Variants in DNTTIP2 observed in about 807,000 individuals in gnomAD.
DNTTIP2 encodes deoxynucleotidyltransferase terminal interacting protein 2.
DNTTIP2 carries 47 observed loss-of-function variants against 62.4 expected under a neutral mutation model. The observed-to-expected ratio is 0.75, with a 90% CI of 0.60 to 0.96. The LOEUF (loss-of-function observed/expected upper bound fraction) is 0.96. Ranked by LOEUF, DNTTIP2 falls within the 40% of genes least tolerant of loss-of-function variation. DNTTIP2 has a pLI of 0.00. For synonymous variants in DNTTIP2, 322 were observed against 300.9 expected, an observed-to-expected ratio of 1.07 and a Z score of -0.73; for missense variants, 870 against 849.1, an observed-to-expected ratio of 1.02 and a Z score of -0.31.
At chr1:93,874,502 G>A (rs1023264176) in intron 3 of DNTTIP2, among the ~76,000 whole-genome samples, 1 of 152,314 alleles carries the variant, frequency 6.6e-6, no homozygotes, top group Admixed American at 6.5e-5. Context: ...CAAGGGCAAC[G>A]ATCAATTATT....
intron 3 of DNTTIP2, among the ~76,000 whole-genome samples, chr1:93,875,291 G>A (rs1165511671): frequency 2.0e-5 from 3 of 151,968 alleles, no homozygotes; most frequent in Admixed American, 6.6e-5. Flanking sequence ...ATTTTTTTCC[G>A]GGTGGAAGAG....
chr1:93,878,063 C>A (rs1656061552), intron 1 of DNTTIP2, among the ~76,000 whole-genome samples: 1 of 152,054 alleles, frequency 6.6e-6, no homozygotes, highest in Admixed American at 6.5e-5. Flanking sequence ...TCCCAGCACT[C>A]TGGGAGGCCG....
chr1:93,874,599 G>C (rs1655951340), intron 3 of DNTTIP2, among the ~76,000 whole-genome samples: 1 of 152,140 alleles, frequency 6.6e-6, no homozygotes, highest in South Asian at 2.1e-4. Flanking sequence ...CAGCTGGGTG[G>C]GGTAGAGAGG....
Position 93,879,156 on chromosome 1 carries a change from G to C in DNTTIP2, c.-8C>G. On this transcript the variant is annotated 5_prime_UTR_variant, in exon 1 of 7. Coordinates refer to ENST00000436063, the MANE Select transcript of DNTTIP2 (RefSeq NM_014597.5). ...AGATCTGGTAACCACCATCTTTCCG[G>C]CTCCCTCGCGACCACCACGACTTCC... 4 of 1,611,594 alleles carry C rather than the reference G, an allele frequency of 2.5e-6. No homozygotes were observed. Among genetic ancestry groups the C allele is most frequent in the African/African-American group, 1.3e-5 (1 of 74,952 alleles).
chr1:93,869,588 CA>C lies in DNTTIP2; in HGVS notation c.*262del, dbSNP rs1655804859. 9.1e-6 allele frequency: 3 copies of C among 329,520 alleles called. No individual in the cohort carries two copies. In the East Asian group the frequency reaches 1.6e-4, roughly 17 times the overall value. 20.4% of individuals were successfully genotyped at this position (329,520 alleles called of 1,614,324 possible). A position where few individuals can be genotyped will look rare whatever the true frequency, so the allele number is the denominator to read the frequency against. On this transcript the variant is annotated 3_prime_UTR_variant, in exon 7 of 7. Coordinates refer to ENST00000436063, the MANE Select transcript of DNTTIP2 (RefSeq NM_014597.5). ...AAATAACTAAGCATTGAAAACTTTA[CA>C]AACCATCAGTTATCTTAAAATGGTT...
chr1:93,876,307 C>A lies in DNTTIP2; in HGVS notation c.1628G>T (p.Ser543Ile), dbSNP rs542667851. 1.7e-5 allele frequency: 26 copies of A among 1,550,498 alleles called. No individual in the cohort carries two copies. The South Asian group carries it at 2.7e-4, about 16-fold the overall frequency. Residue 543 changes from serine to isoleucine, a missense_variant, in exon 2 of 7, where the codon AGT becomes ATT. Physicochemically the swap from Ser to Ile is moderately radical, Grantham distance 142. Coordinates refer to ENST00000436063, the MANE Select transcript of DNTTIP2 (RefSeq NM_014597.5). ...GCTATTTAGGAAGTCTTCTTCATCA[C>A]TAAACTCATCTTCATTTTCGTCATG... ...SDHDENEDEF[S>I]DEEDFLNSTK... is the part of the protein sequence containing the mutation.
At chr1:93,877,950 C>T (rs1656058155) in intron 1 of DNTTIP2, 88 bp from the exon 2 acceptor site, 1 of 1,447,350 alleles carries the variant, frequency 6.9e-7, no homozygotes, top group East Asian at 2.4e-5. Flanking sequence ...AGCTAAAACC[C>T]AGTAAACAAG....
intron 3 of DNTTIP2, among the ~76,000 whole-genome samples, chr1:93,874,549 C>T (rs1655949495): frequency 1.3e-5 from 2 of 152,128 alleles, no homozygotes; most frequent in African/African-American, 4.8e-5. Flanking sequence ...TAAGTTCAGG[C>T]AACTACAGTA....
Position 93,878,796 on chromosome 1 carries a change from G to A in DNTTIP2, c.72+281C>T. 1.0e-5 allele frequency: 4 copies of A among 394,800 alleles called. No individual in the cohort carries two copies. The South Asian group carries it at 1.5e-4, about 15-fold the overall frequency. 24.5% of individuals were successfully genotyped at this position (394,800 alleles called of 1,614,324 possible). A position where few individuals can be genotyped will look rare whatever the true frequency, so the allele number is the denominator to read the frequency against. ...TCCTTGGTACCGTGTTAACAGTAAG[G>A]TTTAAAAGTTCGAACTGTGCTTCTG... On this transcript the variant is annotated intron_variant, in intron 1 of 6. Coordinates refer to ENST00000436063, the MANE Select transcript of DNTTIP2 (RefSeq NM_014597.5).
intron 4 of DNTTIP2, 116 bp from the exon 5 acceptor site, chr1:93,872,352 T>TAAA: frequency 3.0e-6 from 3 of 997,858 alleles, no homozygotes; most frequent in Non-Finnish European, 4.3e-6. Context: ...AATGGTTACT[T>TAAA]TATTGAAAGC....
At position 93,876,610 on chromosome 1, in the gene DNTTIP2, A is replaced by G. The variant is rs1656012889; in HGVS notation, c.1325T>C (p.Leu442Ser). 1.9e-6 allele frequency: 3 copies of G among 1,614,032 alleles called. No homozygotes were observed. The highest frequency in any genetic ancestry group is 2.5e-6 in the Non-Finnish European group (3 of 1,179,892). ...NTSQGKDNSVLLVLSSDESQQ... is the reference protein window; with the variant it reads ...NTSQGKDNSVSLVLSSDESQQ... ...GCTTTCATCACTGCTGAGAACTAGT[A>G]AGACAGAATTATCTTTACCCTGAGA... Residue 442 changes from leucine to serine, a missense_variant, in exon 2 of 7, where the codon TTA (leucine) becomes TCA (serine). By Grantham distance (145) the Leu-to-Ser change is moderately radical (BLOSUM62 -2). Coordinates refer to ENST00000436063, the MANE Select transcript of DNTTIP2 (RefSeq NM_014597.5).
At chr1:93,875,032 A>T (rs757402013) in intron 3 of DNTTIP2, among the ~76,000 whole-genome samples, 3 of 152,224 alleles carry the variant, frequency 2.0e-5, no homozygotes, top group Non-Finnish European at 4.4e-5. Context: ...AAAGAATACA[A>T]GAAGAGGATT....
chr1:93,876,850 G>A lies in DNTTIP2; in HGVS notation c.1085C>T (p.Ser362Leu). The change falls in exon 2 of 7, where the codon TCA (serine) becomes TTA (leucine). Residue 362 changes from serine (S) to leucine (L), a missense_variant. Ser to Leu is a moderately radical substitution (Grantham distance 145). Transcript: ENST00000436063. ...SNLNSEAVMK[S>L]LTQTFATVEV... ...CACAGTTGCAAATGTTTGAGTTAATGATTTCATTACAGCCTCAGAGTTCAG... is the reference window on the plus strand; with the variant it reads ...CACAGTTGCAAATGTTTGAGTTAATAATTTCATTACAGCCTCAGAGTTCAG... 1 of 1,613,912 alleles carries A rather than the reference G, an allele frequency of 6.2e-7. No homozygotes were observed. Among genetic ancestry groups the A allele is most frequent in the Non-Finnish European group, 8.5e-7 (1 of 1,179,866 alleles).
rs777399807 is a variant in DNTTIP2, at chr1:93,877,165, T to G, written c.770A>C (p.Lys257Thr). The G allele has an allele frequency of 6.2e-7, 1 of 1,613,238 alleles. No homozygotes were observed. The highest frequency in any genetic ancestry group is 1.1e-5 in the South Asian group (1 of 91,020). The change falls in exon 2 of 7, where the codon AAG (lysine) becomes ACG (threonine). Residue 257 changes from lysine (K) to threonine (T), a missense_variant. Transcript: ENST00000436063. ...LQARSLSEIN[K>T]PNFYNNDFDD... ...AAAGTCATTATTATAGAAATTTGGC[T>G]TATTTATCTCAGAAAGAGATCTTGC...
chr1:93,871,583 T>C (rs1034208373), intron 5 of DNTTIP2, among the ~76,000 whole-genome samples: 1 of 152,168 alleles, frequency 6.6e-6, no homozygotes, highest in African/African-American at 2.4e-5. Flanking sequence ...TGTTGGGCTA[T>C]ATGATGAAAG....
chr1:93,873,208 G>T lies in DNTTIP2; in HGVS notation c.1813C>A (p.Gln605Lys). The T allele has an allele frequency of 6.2e-7, 1 of 1,607,744 alleles. No individual in the cohort carries two copies. The highest frequency in any genetic ancestry group is 8.5e-7 in the Non-Finnish European group (1 of 1,175,544). ...AAATCAGGTGTAATGACGGCTTTCT[G>T]CAGAAGCTATAAAAACATAAAATTG... is the stretch of plus-strand genomic sequence containing the variant. The part of the protein sequence containing the change: ...IKEKKKNELL[Q>K]KAVITPDFEK... The change falls in exon 4 of 7, where the codon CAG (glutamine) becomes AAG (lysine). Residue 605 changes from glutamine (Q) to lysine (K), a missense_variant. Coordinates refer to ENST00000436063, the MANE Select transcript of DNTTIP2 (RefSeq NM_014597.5).
chr1:93,873,429 A>C, intron 3 of DNTTIP2: 1 of 167,056 alleles, frequency 6.0e-6, no homozygotes, highest in Non-Finnish European at 1.0e-5. Flanking sequence ...CTGACTGTAA[A>C]AAAAAAAAAA....
intron 3 of DNTTIP2, among the ~76,000 whole-genome samples, chr1:93,874,294 C>T (rs1655944004): frequency 6.6e-6 from 1 of 152,084 alleles, no homozygotes; most frequent in African/African-American, 2.4e-5. Flanking sequence ...TGTTAAACAT[C>T]CTACTATGCA....
At chr1:93,873,025 C>T in intron 4 of DNTTIP2, 94 bp downstream of exon 4, 1 of 842,278 alleles carries the variant, frequency 1.2e-6, no homozygotes. Flanking sequence ...ATATATAGAC[C>T]AACAGATACA....
Sources: allele counts gnomAD v4.1 joint callset (sites outside exome capture counted in the v4.1 genomes callset), GRCh38; gene constraint gnomAD v4.1.1; transcripts MANE v1.5; gene names NCBI Gene and HGNC (gene_info 2026-07-23, HGNC 2026-07-21).